Variants in CSMD3 observed in about 807,000 individuals in gnomAD.
CSMD3 encodes the protein CUB and sushi domain-containing protein 3.
In CSMD3, 177 loss-of-function variants were observed where a neutral mutation model predicts 435.2. That is an observed-to-expected ratio of 0.41 (90% CI 0.36 to 0.46). The LOEUF (loss-of-function observed/expected upper bound fraction) is 0.46, where lower values mean the gene tolerates loss of function less well. Ranked by LOEUF, CSMD3 falls within the 20% of genes least tolerant of loss-of-function variation. CSMD3 has a pLI of 0.34. For synonymous variants in CSMD3, 1,656 were observed against 1,520.5 expected, an observed-to-expected ratio of 1.09 and a Z score of -2.07; for missense variants, 4,265 against 4,504.6, an observed-to-expected ratio of 0.95 and a Z score of 1.52.
At position 113,322,848 on chromosome 8, in the gene CSMD3, C is replaced by T. The variant is rs188221424; in HGVS notation, c.179-8055G>A. On this transcript the variant is annotated intron_variant, in intron 1 of 70. Coordinates refer to ENST00000297405, the MANE Select transcript of CSMD3 (RefSeq NM_198123.2). The stretch of plus-strand genomic sequence containing the variant: ...GCAACCTCCACTTCCCGGGTTCAAG[C>T]GATTGTCGTGTCTCAGCCTCCTGAG... Among the ~76,000 whole-genome samples the T allele has an allele frequency of 5.1e-3, 781 of 152,152 alleles. 10 individuals are homozygous for T. Among genetic ancestry groups the T allele is most frequent in the African/African-American group, 0.018 (750 of 41,516 alleles).
At chr8:112,772,990 G>A (rs1370531551) in intron 13 of CSMD3, among the ~76,000 whole-genome samples, 1 of 151,936 alleles carries the variant, frequency 6.6e-6, no homozygotes, top group Non-Finnish European at 1.5e-5. Context: ...GGAACTCAGA[G>A]GCCGGTCCCA....
chr8:112,849,668 A>G (rs947304720), intron 11 of CSMD3, among the ~76,000 whole-genome samples: 2 of 151,894 alleles, frequency 1.3e-5, no homozygotes, highest in African/African-American at 4.8e-5. Flanking sequence ...ATATTGGATT[A>G]GACTCCATTT....
chr8:112,386,635 C>T (rs983954785), intron 36 of CSMD3, among the ~76,000 whole-genome samples: 5 of 152,026 alleles, frequency 3.3e-5, no homozygotes, highest in African/African-American at 1.2e-4. Context: ...GTAGCTGGGA[C>T]TACAGGCGCC....
intron 30 of CSMD3, among the ~76,000 whole-genome samples, chr8:112,497,480 AATATATATAT>A (rs34936636): frequency 1.4e-5 from 2 of 144,678 alleles, no homozygotes; most frequent in Admixed American, 1.4e-4. Flanking sequence ...GTACTCCATA[AATATATATAT>A]ATATATATAT....
At chr8:112,697,590 G>T (rs2076287193) in intron 13 of CSMD3, among the ~76,000 whole-genome samples, 1 of 151,912 alleles carries the variant, frequency 6.6e-6, no homozygotes, top group African/African-American at 2.4e-5. Context: ...GCCTGTTGTG[G>T]GGTGGGGGCA....
At chr8:112,963,390 A>G (rs568078661) in intron 7 of CSMD3, among the ~76,000 whole-genome samples, 18 of 152,066 alleles carry the variant, frequency 1.2e-4, no homozygotes, top group African/African-American at 4.3e-4. Flanking sequence ...TCTGATGAAC[A>G]TACCTCTGGT....
At chr8:113,025,035 C>T (rs888531653) in intron 5 of CSMD3, among the ~76,000 whole-genome samples, 1 of 135,424 alleles carries the variant, frequency 7.4e-6, no homozygotes, top group Non-Finnish European at 1.6e-5. Context: ...CAGTTCCCTC[C>T]ATGTTCCTGA....
chr8:112,956,698 A>G (rs1031111069), intron 7 of CSMD3, among the ~76,000 whole-genome samples: 1 of 152,112 alleles, frequency 6.6e-6, no homozygotes, highest in African/African-American at 2.4e-5. Flanking sequence ...AGTTACTAAT[A>G]TTGGGGGGCA....
At chr8:112,779,475 G>C (rs1244155721) in intron 13 of CSMD3, among the ~76,000 whole-genome samples, 5 of 151,962 alleles carry the variant, frequency 3.3e-5, no homozygotes, top group African/African-American at 1.2e-4. Context: ...AAAAGACCAT[G>C]CATGGCTTTG....
chr8:113,389,371 C>CTCAGTT (rs1377307890), intron 1 of CSMD3, among the ~76,000 whole-genome samples: 1 of 151,500 alleles, frequency 6.6e-6, no homozygotes, highest in Non-Finnish European at 1.5e-5. Flanking sequence ...AACTTGGGCC[C>CTCAGTT]TCAGTTTGCT....
At chr8:112,899,569 C>G (rs1223334827) in intron 10 of CSMD3, among the ~76,000 whole-genome samples, 1 of 121,020 alleles carries the variant, frequency 8.3e-6, no homozygotes, top group Non-Finnish European at 1.8e-5. Flanking sequence ...GTATCTATAC[C>G]AACCTAACCC....
chr8:113,328,730 C>CTTTTCTTTTT (rs2094003498), intron 1 of CSMD3, among the ~76,000 whole-genome samples: 1 of 64,030 alleles, frequency 1.6e-5, no homozygotes, highest in Admixed American at 2.1e-4. Context: ...TTCCTTCCTT[C>CTTTTCTTTTT]TTTTCTTTTT....
At chr8:113,050,957 A>C (rs1011106698) in intron 5 of CSMD3, among the ~76,000 whole-genome samples, 10 of 152,136 alleles carry the variant, frequency 6.6e-5, no homozygotes, top group African/African-American at 2.2e-4. Flanking sequence ...TTCCAGATCT[A>C]GCAACAGTGA....
At chr8:113,154,228 T>C (rs1459292785) in intron 4 of CSMD3, among the ~76,000 whole-genome samples, 1 of 151,966 alleles carries the variant, frequency 6.6e-6, no homozygotes, top group Non-Finnish European at 1.5e-5. Flanking sequence ...AGTTTAATAG[T>C]AGTGTAATTA....
intron 13 of CSMD3, among the ~76,000 whole-genome samples, chr8:112,716,567 A>G (rs1436338080): frequency 2.0e-5 from 3 of 152,200 alleles, no homozygotes; most frequent in Admixed American, 2.0e-4. Flanking sequence ...TAATGACAAA[A>G]AGAACCACTT....
At chr8:113,386,527 C>T (rs1177076622) in intron 1 of CSMD3, among the ~76,000 whole-genome samples, 1 of 151,826 alleles carries the variant, frequency 6.6e-6, no homozygotes, top group Non-Finnish European at 1.5e-5. Context: ...TAGCACAATA[C>T]TGGCATATTC....
intron 1 of CSMD3, among the ~76,000 whole-genome samples, chr8:113,328,483 A>G (rs895915516): frequency 6.6e-6 from 1 of 151,770 alleles, no homozygotes; most frequent in African/African-American, 2.4e-5. Context: ...TTTGCTTATG[A>G]CATTTGAGGA....
intron 30 of CSMD3, among the ~76,000 whole-genome samples, chr8:112,495,110 T>A (rs145436011): frequency 9.1e-4 from 138 of 152,242 alleles, no homozygotes; most frequent in Middle Eastern, 3.4e-3. Flanking sequence ...GAATGGGCAT[T>A]TAGTGATGCA....
intron 13 of CSMD3, among the ~76,000 whole-genome samples, chr8:112,734,646 A>G (rs1188161504): frequency 1.3e-5 from 2 of 151,990 alleles, no homozygotes; most frequent in East Asian, 1.9e-4. Flanking sequence ...AGTACTCAAT[A>G]CATTTTTAGG....
Sources: gnomAD v4.1 joint callset for allele counts (sites outside exome capture counted in the v4.1 genomes callset) on GRCh38, gnomAD v4.1.1 for gene constraint, MANE v1.5 for transcripts, NCBI Gene and HGNC (gene_info 2026-07-23, HGNC 2026-07-21) for gene names.